Variants in CPAMD8 observed in about 807,000 individuals in gnomAD.
CPAMD8 encodes the protein C3 and PZP-like alpha-2-macroglobulin domain-containing protein 8.
A neutral mutation model predicts 224.7 loss-of-function variants in CPAMD8; 146 were observed. That is an observed-to-expected ratio of 0.65 (90% CI 0.57 to 0.75). The LOEUF is 0.75. Among genes scored for constraint, CPAMD8 ranks in the 30% least tolerant of loss-of-function variants. The pLI, the probability that CPAMD8 is intolerant of heterozygous loss-of-function variation, is 0.00. For synonymous variants in CPAMD8, 966 were observed against 1,044.6 expected (o/e 0.92, Z 1.45); for missense variants, 2,301 against 2,537.5 (o/e 0.91, Z 2.00).
chr19:16,915,764 C>T (rs1253320962), intron 27 of CPAMD8, among the ~76,000 whole-genome samples: 1 of 152,166 alleles, frequency 6.6e-6, no homozygotes, highest in Non-Finnish European at 1.5e-5. Flanking sequence ...TCAAGTGGCT[C>T]TAGGCTCTTT....
Position 16,993,606 on chromosome 19 carries a change from A to G in CPAMD8, c.1096-20T>C. 1 of 1,612,524 alleles carries G rather than the reference A, an allele frequency of 6.2e-7. No individual in the cohort carries two copies. Among genetic ancestry groups the G allele is most frequent in the Non-Finnish European group, 8.5e-7 (1 of 1,179,114 alleles). On this transcript the variant is annotated intron_variant, in intron 11 of 41. Transcript: ENST00000443236. ...CTCCACCTAGAAAAGGTCACCCAAG[A>G]CACAACAGAGTTAAGACGGCCATGC...
In CPAMD8 at chr19:16,945,602, C is replaced by A. The variant is rs773820824; in HGVS notation, c.2740G>T (p.Asp914Tyr). ...TCCACCCCGATGGGGACCCTCCTGTCGGCGTGATTCTCCTCAGGGTGTTTG... is the reference window on the plus strand; with the variant it reads ...TCCACCCCGATGGGGACCCTCCTGTAGGCGTGATTCTCCTCAGGGTGTTTG... ...SSKHPEENHA[D>Y]RRVPIGVDHV... Residue 914 changes from aspartate (D) to tyrosine (Y), a missense_variant, in exon 22 of 42, where the codon GAC (aspartate) becomes TAC (tyrosine). By Grantham distance (160) the Asp-to-Tyr change is radical. Around this residue, in one of 4 missense-constraint regions of CPAMD8, gnomAD observed 1,709 missense variants for 1,753.2 expected, o/e 0.97. Transcript: ENST00000443236. The A allele has an allele frequency of 6.2e-7, 1 of 1,614,088 alleles. No homozygotes were observed. The highest frequency in any genetic ancestry group is 2.2e-5 in the East Asian group (1 of 44,898).
At position 16,977,589 on chromosome 19, in the gene CPAMD8, A is replaced by G; in HGVS notation, c.1586-49T>C. On this transcript the variant is annotated intron_variant, in intron 14 of 41. Transcript: ENST00000443236. ...AGGTGGTGAATTCTCCGCATCCGACATGCAACCTCAGCCATTCAGGCTCTG... is the reference window on the plus strand; with the variant it reads ...AGGTGGTGAATTCTCCGCATCCGACGTGCAACCTCAGCCATTCAGGCTCTG... The G allele has an allele frequency of 5.6e-6, 8 of 1,427,610 alleles. No individual in the cohort carries two copies. The East Asian group carries it at 1.2e-4, about 21-fold the overall frequency. The allele number at this position is 1,427,610 out of a possible 1,614,324, so 88.4% of individuals were successfully genotyped here. A position where few individuals can be genotyped will look rare whatever the true frequency, so the allele number is the denominator to read the frequency against.
chr19:17,004,447 A>ACC, intron 7 of CPAMD8, 61 bp from the exon 8 acceptor site: 1 of 1,111,368 alleles, frequency 9.0e-7, no homozygotes, highest in South Asian at 1.3e-5. Context: ...GAGGTACGGG[A>ACC]AGAGGGAGCC....
At chr19:16,903,888 C>G in intron 32 of CPAMD8, 31 bp from the exon 33 acceptor site, 1 of 1,607,156 alleles carries the variant, frequency 6.2e-7, no homozygotes, top group East Asian at 2.2e-5. Context: ...GGCCATCAAC[C>G]CTGAGACTGA....
At position 16,907,027 on chromosome 19, in the gene CPAMD8, A is replaced by G. The variant is rs371506303; in HGVS notation, c.3952T>C (p.Tyr1318His). 20 of 1,609,726 alleles carry G rather than the reference A, an allele frequency of 1.2e-5. No individual in the cohort carries two copies. The highest frequency in any genetic ancestry group is 1.7e-5 in the Non-Finnish European group (20 of 1,179,042). Residue 1318 changes from tyrosine to histidine, a missense_variant, in exon 30 of 42, where the codon TAC becomes CAC. Coordinates refer to ENST00000443236, the MANE Select transcript of CPAMD8 (RefSeq NM_015692.5). Reference protein sequence around the residue: ...MDPYSCALTTYALTLLRSPAA... With the variant: ...MDPYSCALTTHALTLLRSPAA... ...GGGCTGCGGAGCAGGGTCAGCGCGT[A>G]GGTAGTCAGGGCACAGCTATAAGGG...
At chr19:16,945,364 C>A (rs535448679) in intron 22 of CPAMD8, among the ~76,000 whole-genome samples, 185 bp downstream of exon 22, 4 of 152,292 alleles carry the variant, frequency 2.6e-5, no homozygotes, top group African/African-American at 9.6e-5. Flanking sequence ...AGGGAGGGAA[C>A]GGACTACCAT....
chr19:16,987,179 A>AAAAAAAAAAAAAAAT (rs1555784836), intron 13 of CPAMD8, among the ~76,000 whole-genome samples: 1 of 53,920 alleles, frequency 1.9e-5, no homozygotes, highest in African/African-American at 1.0e-4. Context: ...AAAAAAAAAA[A>AAAAAAAAAAAAAAAT]ATATATATAT....
chr19:16,975,332 G>C, intron 16 of CPAMD8, 74 bp from the exon 17 acceptor site: 2 of 1,216,978 alleles, frequency 1.6e-6, no homozygotes, highest in South Asian at 2.7e-5. Context: ...CGTGGGTGTG[G>C]CATGCTCCCA....
At chr19:16,916,688 G>A (rs2144855644) in intron 27 of CPAMD8, among the ~76,000 whole-genome samples, 1 of 152,082 alleles carries the variant, frequency 6.6e-6, no homozygotes, top group African/African-American at 2.4e-5. Context: ...GCAGTGACCT[G>A]AGATCGCACC....
At chr19:17,003,668 C>T (rs548306497) in intron 8 of CPAMD8, among the ~76,000 whole-genome samples, 1 of 151,084 alleles carries the variant, frequency 6.6e-6, no homozygotes, top group African/African-American at 2.4e-5. Flanking sequence ...GTCCCAGCAA[C>T]TCAGGAGGCT....
chr19:16,937,092 C>CTTCCTTCCTTCCTTCCTCT (rs2053717823), intron 23 of CPAMD8, among the ~76,000 whole-genome samples: 5 of 149,430 alleles, frequency 3.3e-5, no homozygotes, highest in African/African-American at 1.2e-4. Context: ...TTCCTTCCTC[C>CTTCCTTCCTTCCTTCCTCT]TTCCTTCCTT....
At chr19:16,902,502 G>A (rs1161755842) in intron 35 of CPAMD8, 147 bp downstream of exon 35, 2 of 599,650 alleles carry the variant, frequency 3.3e-6, no homozygotes, top group Admixed American at 2.8e-5. Context: ...GGGCGACAGG[G>A]TGAGACTCTG....
chr19:16,997,200 A>G lies in CPAMD8; in HGVS notation c.1006T>C (p.Ser336Pro). ...ACCAGCTGCCTCTGCACGGGGGTGG[A>G]GTCATCGAACGCGACCTGCTGGCTC... is the stretch of plus-strand genomic sequence containing the variant. ...DGSQQVAFDD[S>P]TPVQRQLVDI... is the part of the protein sequence containing the mutation. Residue 336 changes from serine to proline, a missense_variant, in exon 11 of 42, where the codon TCC becomes CCC. Physicochemically the swap from Ser to Pro is moderately conservative, Grantham distance 74. Around this residue, in one of 4 missense-constraint regions of CPAMD8, gnomAD observed 301 missense variants for 406.6 expected, o/e 0.74. Coordinates refer to ENST00000443236, the MANE Select transcript of CPAMD8 (RefSeq NM_015692.5). 6.3e-7 allele frequency: 1 copy of G among 1,584,122 alleles called. No individual in the cohort carries two copies. The highest frequency in any genetic ancestry group is 8.7e-7 in the Non-Finnish European group (1 of 1,152,888).
rs1442060631 is a variant in CPAMD8 at position 16,929,093 on chromosome 19, A to C, written c.2993T>G (p.Ile998Ser). 1 of 1,614,126 alleles carries C rather than the reference A, an allele frequency of 6.2e-7. No homozygotes were observed. Among genetic ancestry groups the C allele is most frequent in the South Asian group, 1.1e-5 (1 of 91,084 alleles). Residue 998 changes from isoleucine to serine, a missense_variant, in exon 24 of 42, where the codon ATC becomes AGC. Ile to Ser is a moderately radical substitution (Grantham distance 142). Around this residue, in one of 4 missense-constraint regions of CPAMD8, gnomAD observed 1,709 missense variants for 1,753.2 expected, o/e 0.97. Transcript: ENST00000443236. ...CTGATGCCCCCCCAGGACGATCTCGATCATGCCTGCTGTGTCCTGGGGCCC... is the reference window on the plus strand; with the variant it reads ...CTGATGCCCCCCCAGGACGATCTCGCTCATGCCTGCTGTGTCCTGGGGCCC... ...SSGPQDTAGM[I>S]EIVLGGHQNT...
rs1193229506 is a variant in CPAMD8, at chr19:16,989,572, C to T, written c.1395+71G>A. On this transcript the variant is annotated intron_variant, in intron 13 of 41. Coordinates refer to ENST00000443236, the MANE Select transcript of CPAMD8 (RefSeq NM_015692.5). The stretch of plus-strand genomic sequence containing the variant: ...AAAATGCTGGGATTACAGGCATGAG[C>T]CACAGCACCTGGCTCATGCTGCTTT... The T allele has an allele frequency of 1.9e-6, 3 of 1,555,900 alleles. No individual in the cohort carries two copies. In the Admixed American group the frequency reaches 5.8e-5, roughly 30 times the overall value.
intron 3 of CPAMD8, among the ~76,000 whole-genome samples, chr19:17,014,146 G>A (rs937490702): frequency 8.5e-5 from 13 of 152,054 alleles, no homozygotes; most frequent in African/African-American, 2.7e-4. Context: ...CAAACTCCTG[G>A]GCTCATGCGA....
rs531955648 is a variant in CPAMD8, at chr19:16,995,979, G to A, written c.1095+1132C>T. 9.5e-4 allele frequency among the ~76,000 whole-genome samples: 145 copies of A among 151,996 alleles called. 1 individual carries two copies. The highest frequency in any genetic ancestry group is 1.8e-3 in the Non-Finnish European group (119 of 67,960). On this transcript the variant is annotated intron_variant, in intron 11 of 41. Transcript: ENST00000443236. ...AGCCTGGCCAATGTGGTGAAACCCCGTCTCTACTAAAAATACAAAAATTAG... is the reference window on the plus strand; with the variant it reads ...AGCCTGGCCAATGTGGTGAAACCCCATCTCTACTAAAAATACAAAAATTAG...
chr19:17,023,470 T>C (rs1156428632), intron 1 of CPAMD8, among the ~76,000 whole-genome samples: 1 of 152,000 alleles, frequency 6.6e-6, no homozygotes, highest in African/African-American at 2.4e-5. Context: ...ATTGCAACCA[T>C]GTAGAATGAT....
Sources: gnomAD v4.1 joint callset for allele counts (sites outside exome capture counted in the v4.1 genomes callset) on GRCh38, gnomAD v4.1.1 for gene constraint, gnomAD v4.1.1 regional missense constraint, MANE v1.5 for transcripts, NCBI Gene and HGNC (gene_info 2026-07-23, HGNC 2026-07-21) for gene names.